The following FOLR1 variants were observed in gnomAD, a reference collection of about 807,000 sequenced individuals.
FOLR1 encodes the protein folate receptor alpha, also known as KB cells FBP.
In FOLR1, 11 loss-of-function variants were observed where a neutral mutation model predicts 22.8. The ratio of observed to expected loss-of-function variants is 0.48; its 90% confidence interval spans 0.30 to 0.80. The LOEUF (loss-of-function observed/expected upper bound fraction) is 0.80. FOLR1 is among the 30% of genes least tolerant of loss of function. The probability of loss-of-function intolerance (pLI) is 0.06; values close to 1 mark genes in which losing one functional copy is unlikely to be tolerated. For synonymous variants in FOLR1, 108 were observed against 116.5 expected (o/e 0.93, Z 0.47); for missense variants, 273 against 320.3 (o/e 0.85, Z 1.13).
intron 1 of FOLR1, 52 bp from the exon 2 acceptor site, chr11:72,195,219 C>A: frequency 6.6e-7 from 1 of 1,511,734 alleles, no homozygotes; most frequent in Admixed American, 1.7e-5. Flanking sequence ...AATATTCTGG[C>A]TGTGCTGGCT....
At position 72,195,420 on chromosome 11, in the gene FOLR1, C is replaced by T. The variant is rs1422360007; in HGVS notation, c.318C>T (p.Leu106=). 6.2e-7 allele frequency: 1 copy of T among 1,614,260 alleles called. No individual in the cohort carries two copies. Among genetic ancestry groups the T allele is most frequent in the Non-Finnish European group, 8.5e-7 (1 of 1,180,042 alleles). The part of the protein sequence containing the change: ...CKRHFIQDTC[L]YECSPNLGPW... ...GGCATTTCATCCAGGACACCTGCCTCTACGAGTGCTCCCCCAACTTGGGGC... is the reference window on the plus strand; with the variant it reads ...GGCATTTCATCCAGGACACCTGCCTTTACGAGTGCTCCCCCAACTTGGGGC... Residue 106 remains leucine (L), a synonymous_variant, in exon 2 of 4, where the codon CTC becomes CTT. Coordinates refer to ENST00000393676, the MANE Select transcript of FOLR1 (RefSeq NM_016729.3).
chr11:72,191,769 A>G (rs1266588839), upstream of FOLR1, among the ~76,000 whole-genome samples: 1 of 152,192 alleles, frequency 6.6e-6, no homozygotes, highest in African/African-American at 2.4e-5. Context: ...TAACTGTTTC[A>G]CCCCAGAATA....
chr11:72,195,492 G>A (rs547880612), intron 2 of FOLR1, 33 bp downstream of exon 2: 1 of 1,613,762 alleles, frequency 6.2e-7, no homozygotes, highest in African/African-American at 1.3e-5. Flanking sequence ...ACAAGACCTA[G>A]CGGAGCAGCT....
In FOLR1 at chr11:72,192,284, C is replaced by T. The variant is rs997052303; in HGVS notation, c.111C>T (p.Cys37=). ...CCAGGACTGAGCTTCTCAATGTCTG[C>T]ATGAACGCCAAGCACCACAAGGAAA... The part of the protein sequence containing the change: ...AWARTELLNV[C]MNAKHHKEKP... The change falls in exon 1 of 4, where the codon TGC becomes TGT. Residue 37 remains cysteine, a synonymous_variant. Coordinates refer to ENST00000393676, the MANE Select transcript of FOLR1 (RefSeq NM_016729.3). 6.2e-6 allele frequency: 10 copies of T among 1,614,180 alleles called. No individual in the cohort carries two copies. Among genetic ancestry groups the T allele is most frequent in the Middle Eastern group, 1.7e-4 (1 of 6,060 alleles).
At chr11:72,191,994 G>T, upstream of FOLR1, 1 of 641,932 alleles carries the variant, frequency 1.6e-6, no homozygotes, top group Non-Finnish European at 2.7e-6. Context: ...AGCCAGGGAG[G>T]GGTGGTGTCT....
Position 72,196,227 on chromosome 11 carries a change from C to T in FOLR1, c.*50C>T. On this transcript the variant is annotated 3_prime_UTR_variant, in exon 4 of 4. Transcript: ENST00000393676. ...GAAATCCCTGCCCTGTTCAGCCCCACAGCTCCCAACTATTTGGTTCCTGCT... is the reference window on the plus strand; with the variant it reads ...GAAATCCCTGCCCTGTTCAGCCCCATAGCTCCCAACTATTTGGTTCCTGCT... 6.2e-7 allele frequency: 1 copy of T among 1,604,574 alleles called. No homozygotes were observed. The highest frequency in any genetic ancestry group is 1.3e-5 in the African/African-American group (1 of 74,872).
At chr11:72,192,103 G>T, upstream of FOLR1, 4 of 1,575,366 alleles carry the variant, frequency 2.5e-6, no homozygotes, top group South Asian at 4.4e-5. Flanking sequence ...CTGGAGCCCT[G>T]CACACAACTT....
chr11:72,196,239 A>C lies in FOLR1; in HGVS notation c.*62A>C. ...CTGTTCAGCCCCACAGCTCCCAACT[A>C]TTTGGTTCCTGCTCCATGGTCGGGC... On this transcript the variant is annotated 3_prime_UTR_variant, in exon 4 of 4. Coordinates refer to ENST00000393676, the MANE Select transcript of FOLR1 (RefSeq NM_016729.3). The C allele has an allele frequency of 6.3e-7, 1 of 1,588,950 alleles. No individual in the cohort carries two copies. The highest frequency in any genetic ancestry group is 1.3e-5 in the African/African-American group (1 of 74,560).
rs770851094 is a variant in FOLR1, at chr11:72,192,195, C to A, written c.22C>A (p.Gln8Lys). 21 of 1,614,168 alleles carry A rather than the reference C, an allele frequency of 1.3e-5. No individual in the cohort carries two copies. The highest frequency in any genetic ancestry group is 1.6e-4 in the Middle Eastern group (1 of 6,062). Residue 8 changes from glutamine (Q) to lysine (K), a missense_variant, in exon 1 of 4, where the codon CAG (glutamine) becomes AAG (lysine). By Grantham distance (53) the Gln-to-Lys change is moderately conservative. Transcript: ENST00000393676. ...AGACATGGCTCAGCGGATGACAACA[C>A]AGCTGCTGCTCCTTCTAGTGTGGGT... MAQRMTT[Q>K]LLLLLVWVAV... is the part of the protein sequence containing the mutation.
chr11:72,192,297 C>A lies in FOLR1; in HGVS notation c.124C>A (p.His42Asn), dbSNP rs754414177. 3 of 1,614,094 alleles carry A rather than the reference C, an allele frequency of 1.9e-6. No homozygotes were observed. The East Asian group carries it at 6.7e-5, about 36-fold the overall frequency. Residue 42 changes from histidine to asparagine, a missense_variant, in exon 1 of 4, where the codon CAC (histidine) becomes AAC (asparagine). By Grantham distance (68) the His-to-Asn change is moderately conservative. Coordinates refer to ENST00000393676, the MANE Select transcript of FOLR1 (RefSeq NM_016729.3). ...TCTCAATGTCTGCATGAACGCCAAG[C>A]ACCACAAGGAAAAGCCAGGCCCCGA... The part of the protein sequence containing the change: ...ELLNVCMNAK[H>N]HKEKPGPEDK...
intron 1 of FOLR1, among the ~76,000 whole-genome samples, chr11:72,194,340 G>A (rs537800503): frequency 6.6e-6 from 1 of 152,228 alleles, no homozygotes; most frequent in South Asian, 2.1e-4. Flanking sequence ...GCTAGTCAGG[G>A]ACAAAACACT....
Position 72,196,239 on chromosome 11 carries a change from A to G in FOLR1, c.*62A>G. ...CTGTTCAGCCCCACAGCTCCCAACT[A>G]TTTGGTTCCTGCTCCATGGTCGGGC... On this transcript the variant is annotated 3_prime_UTR_variant, in exon 4 of 4. Coordinates refer to ENST00000393676, the MANE Select transcript of FOLR1 (RefSeq NM_016729.3). 1.9e-6 allele frequency: 3 copies of G among 1,588,950 alleles called. No individual in the cohort carries two copies. Among genetic ancestry groups the G allele is most frequent in the Admixed American group, 1.7e-5 (1 of 59,344 alleles).
At chr11:72,193,560 C>T (rs1948185590) in intron 1 of FOLR1, among the ~76,000 whole-genome samples, 1 of 150,724 alleles carries the variant, frequency 6.6e-6, no homozygotes, top group Non-Finnish European at 1.5e-5. Context: ...GATTCTCCTG[C>T]CTCAGCCTCC....
chr11:72,194,120 A>C (rs1210431026), intron 1 of FOLR1, among the ~76,000 whole-genome samples: 1 of 152,102 alleles, frequency 6.6e-6, no homozygotes, highest in Non-Finnish European at 1.5e-5. Flanking sequence ...AGCCTTAAGT[A>C]ATGAGATTCA....
Position 72,192,216 on chromosome 11 carries a change from T to G in FOLR1, c.43T>G (p.Trp15Gly), listed in dbSNP as rs1379767616. ...MTTQLLLLLV[W>G]VAVVGEAQTR... Reference sequence around the variant, plus strand: ...AACACAGCTGCTGCTCCTTCTAGTGTGGGTGGCTGTAGTAGGGGAGGCTCA... The same window carrying G: ...AACACAGCTGCTGCTCCTTCTAGTGGGGGTGGCTGTAGTAGGGGAGGCTCA... The change falls in exon 1 of 4, where the codon TGG becomes GGG. Residue 15 changes from tryptophan (W) to glycine (G), a missense_variant. By Grantham distance (184) the Trp-to-Gly change is radical (BLOSUM62 -2). Transcript: ENST00000393676. The G allele has an allele frequency of 1.2e-6, 2 of 1,614,112 alleles. No individual in the cohort carries two copies. The highest frequency in any genetic ancestry group is 4.5e-5 in the East Asian group (2 of 44,870).
upstream of FOLR1, chr11:72,191,940 A>G: frequency 1.8e-6 from 1 of 543,434 alleles, no homozygotes; most frequent in Non-Finnish European, 3.3e-6. Flanking sequence ...CTTGAATTAT[A>G]TCACCTGAAC....
intron 1 of FOLR1, among the ~76,000 whole-genome samples, chr11:72,192,781 G>A (rs1948173708): frequency 6.7e-6 from 1 of 149,848 alleles, no homozygotes; most frequent in South Asian, 2.1e-4. Flanking sequence ...TTTTTTTCCT[G>A]AGACAAAGTC....
upstream of FOLR1, among the ~76,000 whole-genome samples, chr11:72,191,593 C>G (rs951537556): frequency 6.6e-6 from 1 of 152,054 alleles, no homozygotes; most frequent in Admixed American, 6.6e-5. Context: ...AACTTCTGAC[C>G]TCAGGTGATC....
Position 72,195,429 on chromosome 11 carries a change from C to T in FOLR1, c.327C>T (p.Cys109=). 6.2e-7 allele frequency: 1 copy of T among 1,614,264 alleles called. No homozygotes were observed. The highest frequency in any genetic ancestry group is 1.1e-5 in the South Asian group (1 of 91,090). The change falls in exon 2 of 4, where the codon TGC becomes TGT. Residue 109 remains cysteine, a synonymous_variant. Transcript: ENST00000393676. ...HFIQDTCLYE[C]SPNLGPWIQQ... ...TCCAGGACACCTGCCTCTACGAGTGCTCCCCCAACTTGGGGCCCTGGATCC... is the reference window on the plus strand; with the variant it reads ...TCCAGGACACCTGCCTCTACGAGTGTTCCCCCAACTTGGGGCCCTGGATCC...
Sources: gnomAD v4.1 joint callset for allele counts (sites outside exome capture counted in the v4.1 genomes callset) on GRCh38, gnomAD v4.1.1 for gene constraint, MANE v1.5 for transcripts, NCBI Gene and HGNC (gene_info 2026-07-23, HGNC 2026-07-21) for gene names.